The following PODXL2 variants were observed in gnomAD, a reference collection of about 807,000 sequenced individuals.
PODXL2 encodes the protein podocalyxin-like protein 2.
A neutral mutation model predicts 53.4 loss-of-function variants in PODXL2; 17 were observed. The observed-to-expected ratio is 0.32, with a 90% CI of 0.22 to 0.48. The LOEUF (loss-of-function observed/expected upper bound fraction) is 0.48, where lower values mean the gene tolerates loss of function less well. Among genes scored for constraint, PODXL2 ranks in the 20% least tolerant of loss-of-function variants. The pLI is 0.99. For synonymous variants in PODXL2, 311 were observed against 306.7 expected (o/e 1.01, Z -0.15); for missense variants, 673 against 760.0 (o/e 0.89, Z 1.35).
At chr3:127,657,600 T>A (rs897425830) in intron 2 of PODXL2, among the ~76,000 whole-genome samples, 1 of 152,240 alleles carries the variant, frequency 6.6e-6, no homozygotes, top group Non-Finnish European at 1.5e-5. Flanking sequence ...ACTCCCTGAC[T>A]CTTCTTTGCA....
At chr3:127,643,194 AT>A (rs2074632397) in intron 2 of PODXL2, among the ~76,000 whole-genome samples, 1 of 152,200 alleles carries the variant, frequency 6.6e-6, no homozygotes, top group African/African-American at 2.4e-5. Context: ...GAAATTAAAT[AT>A]TTTATAAGCT....
rs1398759644 is a variant in PODXL2, at chr3:127,629,415, C to T, written c.70+126C>T. ...CCGCCGGGAGCGCGCGTGTCCCGGC[C>T]GGGCCGCGGCGCCGCCCCGACACAC... On this transcript the variant is annotated intron_variant, in intron 1 of 7. Transcript: ENST00000342480. This position sits in a 1 kb window ranked among gnomAD's most constrained non-coding sequence, Gnocchi z 6.4. 4.2e-6 allele frequency: 3 copies of T among 718,132 alleles called. No individual in the cohort carries two copies. The highest frequency in any genetic ancestry group is 1.9e-5 in the African/African-American group (1 of 51,844). 44.5% of individuals were successfully genotyped at this position (718,132 alleles called of 1,614,324 possible).
intron 2 of PODXL2, among the ~76,000 whole-genome samples, chr3:127,649,997 A>G (rs1046877478): frequency 6.6e-6 from 1 of 151,944 alleles, no homozygotes; most frequent in African/African-American, 2.4e-5. Context: ...TGTTTTAGAC[A>G]TATTTATTTT....
chr3:127,660,341 T>C, intron 2 of PODXL2, 37 bp from the exon 3 acceptor site: 1 of 1,593,808 alleles, frequency 6.3e-7, no homozygotes. Flanking sequence ...CAATGAATGA[T>C]GAAACAAGTG....
chr3:127,671,116 C>T (rs1286330831), intron 6 of PODXL2, among the ~76,000 whole-genome samples: 1 of 152,158 alleles, frequency 6.6e-6, no homozygotes, highest in Admixed American at 6.5e-5. Context: ...GGATGGTGTC[C>T]AGCAGCATGG....
intron 1 of PODXL2, among the ~76,000 whole-genome samples, chr3:127,638,305 T>G (rs2074591037): frequency 6.6e-6 from 1 of 152,244 alleles, no homozygotes; most frequent in Admixed American, 6.5e-5. Context: ...CCTGTCCATT[T>G]ATTTGCTTGT....
intron 2 of PODXL2, among the ~76,000 whole-genome samples, chr3:127,643,246 A>C (rs1383855358): frequency 6.6e-6 from 1 of 152,106 alleles, no homozygotes; most frequent in Non-Finnish European, 1.5e-5. Context: ...GTTTTGCTCT[A>C]GTCACCCAGG....
intron 4 of PODXL2, among the ~76,000 whole-genome samples, chr3:127,663,550 A>G (rs1209737588): frequency 9.2e-5 from 14 of 152,206 alleles, no homozygotes. Flanking sequence ...CCATCACTAT[A>G]CTGATGGATC....
intron 2 of PODXL2, among the ~76,000 whole-genome samples, chr3:127,659,136 TGTAATCTTTCTGAGG>T (rs2074745535): frequency 6.6e-6 from 1 of 152,226 alleles, no homozygotes; most frequent in Non-Finnish European, 1.5e-5. Flanking sequence ...TGCAATATTT[TGTAATCTTTCTGAGG>T]ATACTAATTA....
intron 2 of PODXL2, among the ~76,000 whole-genome samples, chr3:127,641,128 T>A (rs904140887): frequency 6.6e-6 from 1 of 152,128 alleles, no homozygotes; most frequent in African/African-American, 2.4e-5. Flanking sequence ...GCCAGGCTGG[T>A]CTCTAACTCC....
At chr3:127,647,000 GCCTT>G (rs2074661121) in intron 2 of PODXL2, among the ~76,000 whole-genome samples, 3 of 152,148 alleles carry the variant, frequency 2.0e-5, no homozygotes, top group Admixed American at 2.0e-4. Context: ...TAGAGCTGAT[GCCTT>G]CCTTCTCCAT....
chr3:127,672,176 A>T (rs1576438459), intron 7 of PODXL2, 92 bp from the exon 8 acceptor site: 1 of 975,136 alleles, frequency 1.0e-6, no homozygotes, highest in Non-Finnish European at 1.5e-6. Context: ...TGCCGCGGGA[A>T]CCCCCTGGGT....
chr3:127,670,160 C>T (rs1224301252), intron 6 of PODXL2, among the ~76,000 whole-genome samples: 1 of 152,202 alleles, frequency 6.6e-6, no homozygotes, highest in Non-Finnish European at 1.5e-5. Flanking sequence ...TCGCCACCAC[C>T]CCATGGGGTT....
intron 2 of PODXL2, among the ~76,000 whole-genome samples, chr3:127,655,631 C>T (rs1320699973): frequency 6.6e-6 from 1 of 152,092 alleles, no homozygotes; most frequent in Non-Finnish European, 1.5e-5. Flanking sequence ...AGCTGATAAG[C>T]AGTGAAACTG....
intron 2 of PODXL2, among the ~76,000 whole-genome samples, chr3:127,639,999 C>G (rs1344244298): frequency 6.6e-6 from 1 of 152,200 alleles, no homozygotes; most frequent in African/African-American, 2.4e-5. Flanking sequence ...TCCATGTTTC[C>G]TTGAGTCTAT....
intron 4 of PODXL2, among the ~76,000 whole-genome samples, chr3:127,666,241 G>A (rs2074794369): frequency 6.6e-6 from 1 of 152,062 alleles, no homozygotes; most frequent in African/African-American, 2.4e-5. Context: ...TTTTCCATGG[G>A]ATATCCAGTT....
chr3:127,661,208 C>A, intron 3 of PODXL2, 49 bp downstream of exon 3: 1 of 1,425,534 alleles, frequency 7.0e-7, no homozygotes, highest in Non-Finnish European at 9.7e-7. Flanking sequence ...CTTCACAGAG[C>A]CTGGCCATCC....
In PODXL2 at chr3:127,672,740, G is replaced by GGCGGCGC; in HGVS notation, c.*261_*267dup. ...CTGAACCCCGGCCCCGCGGGCGGCG[G>GGCGGCGC]GCGGCGCTTCCTGCGCCCCGGGACT... is the stretch of plus-strand genomic sequence containing the variant. On this transcript the variant is annotated 3_prime_UTR_variant, in exon 8 of 8. Coordinates refer to ENST00000342480, the MANE Select transcript of PODXL2 (RefSeq NM_015720.4). 1 of 411,482 alleles carries GGCGGCGC rather than the reference G, an allele frequency of 2.4e-6. No homozygotes were observed. The highest frequency in any genetic ancestry group is 4.2e-6 in the Non-Finnish European group (1 of 236,858). 25.5% of individuals were successfully genotyped at this position (411,482 alleles called of 1,614,324 possible).
chr3:127,648,213 A>G (rs2074667378), intron 2 of PODXL2, among the ~76,000 whole-genome samples: 1 of 152,218 alleles, frequency 6.6e-6, no homozygotes, highest in Non-Finnish European at 1.5e-5. Flanking sequence ...CCCTCAATAC[A>G]AAGTCCTTCA....
Sources: gnomAD v4.1 joint callset for allele counts (sites outside exome capture counted in the v4.1 genomes callset) on GRCh38, gnomAD v4.1.1 for gene constraint, Gnocchi (gnomAD v3.1) non-coding constraint, MANE v1.5 for transcripts, NCBI Gene and HGNC (gene_info 2026-07-23, HGNC 2026-07-21) for gene names.